CERS6: variants seen among roughly 807,000 people sequenced by gnomAD.
CERS6 encodes ceramide synthase 6, also known as LAG1 homolog, ceramide synthase 6.
Under a neutral mutation model 56.8 loss-of-function variants are expected in CERS6, and 26 were observed. That is an observed-to-expected ratio of 0.46 (90% CI 0.34 to 0.63). CERS6 has a LOEUF of 0.63. Among genes scored for constraint, CERS6 ranks in the 30% least tolerant of loss-of-function variants. CERS6 has a pLI of 0.01. For missense variants in CERS6, 415 were observed against 467.5 expected, an observed-to-expected ratio of 0.89 and a Z score of 1.04; for synonymous variants, 164 against 173.3, an observed-to-expected ratio of 0.95 and a Z score of 0.42.
At chr2:168,559,243 G>A (rs1467969186) in intron 2 of CERS6, among the ~76,000 whole-genome samples, 2 of 151,608 alleles carry the variant, frequency 1.3e-5, no homozygotes, top group Non-Finnish European at 2.9e-5. Context: ...GGCAAATAAC[G>A]TTTATAGGCA....
chr2:168,591,323 A>T (rs1683664992), intron 3 of CERS6, among the ~76,000 whole-genome samples: 1 of 152,252 alleles, frequency 6.6e-6, no homozygotes, highest in Admixed American at 6.5e-5. Context: ...TGGCTTCACC[A>T]TCCACATCAT....
At position 168,496,247 on chromosome 2, in the gene CERS6, A is replaced by G. The variant is rs551048755; in HGVS notation, c.170+39629A>G. Among the ~76,000 whole-genome samples the G allele has an allele frequency of 4.6e-5, 7 of 152,306 alleles. No homozygotes were observed. The South Asian group carries it at 1.2e-3, about 27-fold the overall frequency. ...ATACAAAGACTGTTAACAGTGAATA[A>G]TCTTGTATATATATCATTTGATACC... On this transcript the variant is annotated intron_variant, in intron 1 of 9. Coordinates refer to ENST00000305747, the MANE Select transcript of CERS6 (RefSeq NM_203463.3).
At chr2:168,587,384 G>C (rs1184333270) in intron 3 of CERS6, among the ~76,000 whole-genome samples, 1 of 152,174 alleles carries the variant, frequency 6.6e-6, no homozygotes, top group Non-Finnish European at 1.5e-5. Flanking sequence ...GAACAGGGTA[G>C]CATACCAAGT....
chr2:168,719,100 A>G (rs574937995), intron 8 of CERS6, among the ~76,000 whole-genome samples: 1 of 152,282 alleles, frequency 6.6e-6, no homozygotes, highest in African/African-American at 2.4e-5. Context: ...GTGTGTATTT[A>G]GTGAAAATTT....
intron 1 of CERS6, among the ~76,000 whole-genome samples, chr2:168,504,595 A>G (rs768057758): frequency 1.3e-5 from 2 of 152,138 alleles, no homozygotes; most frequent in African/African-American, 2.4e-5. Context: ...ACTGAGATCA[A>G]TAGCTGAGGA....
chr2:168,543,348 A>G (rs1289973671), intron 1 of CERS6, among the ~76,000 whole-genome samples: 1 of 152,170 alleles, frequency 6.6e-6, no homozygotes, highest in African/African-American at 2.4e-5. Flanking sequence ...CAACTATTAC[A>G]TTTGTCGATG....
chr2:168,737,204 G>T (rs761761117), intron 8 of CERS6, among the ~76,000 whole-genome samples: 53 of 152,170 alleles, frequency 3.5e-4, no homozygotes, highest in Admixed American at 1.3e-4. Context: ...ACTCACTACA[G>T]TTGTGTCTGT....
chr2:168,730,665 A>G (rs1037118281), intron 8 of CERS6, among the ~76,000 whole-genome samples: 1 of 151,948 alleles, frequency 6.6e-6, no homozygotes, highest in African/African-American at 2.4e-5. Flanking sequence ...AACAAGCTCC[A>G]TGTCTCTCAG....
intron 1 of CERS6, among the ~76,000 whole-genome samples, chr2:168,488,673 C>A (rs1447676042): frequency 6.6e-6 from 1 of 151,996 alleles, no homozygotes; most frequent in Non-Finnish European, 1.5e-5. Context: ...TTTTAGCATT[C>A]CCTCTTAATA....
chr2:168,538,819 G>A (rs889906865), intron 1 of CERS6, among the ~76,000 whole-genome samples: 5 of 152,060 alleles, frequency 3.3e-5, no homozygotes, highest in African/African-American at 9.7e-5. Context: ...TTACATCTGT[G>A]GCCTTTCTTC....
intron 4 of CERS6, among the ~76,000 whole-genome samples, chr2:168,669,035 A>G (rs964901636): frequency 6.6e-6 from 1 of 152,130 alleles, no homozygotes; most frequent in Non-Finnish European, 1.5e-5. Flanking sequence ...ATTAGTTAGG[A>G]TTAGGTCTGG....
chr2:168,649,035 A>G (rs1366096822), intron 4 of CERS6, among the ~76,000 whole-genome samples: 3 of 152,102 alleles, frequency 2.0e-5, no homozygotes, highest in African/African-American at 7.2e-5. Context: ...TTAGGCGCTG[A>G]ATATCCTAAT....
At chr2:168,647,548 T>C (rs1275073122) in intron 4 of CERS6, among the ~76,000 whole-genome samples, 1 of 152,228 alleles carries the variant, frequency 6.6e-6, no homozygotes, top group Non-Finnish European at 1.5e-5. Flanking sequence ...CTTCTAATAC[T>C]GTGTTGAATA....
intron 4 of CERS6, among the ~76,000 whole-genome samples, chr2:168,680,528 C>T (rs1318778938): frequency 2.0e-5 from 3 of 152,096 alleles, no homozygotes; most frequent in Non-Finnish European, 4.4e-5. Flanking sequence ...TATAACTACC[C>T]GGCCCCTCCT....
chr2:168,718,042 T>C, intron 8 of CERS6, 64 bp downstream of exon 8: 1 of 1,199,404 alleles, frequency 8.3e-7, no homozygotes, highest in South Asian at 1.3e-5. Flanking sequence ...TGAACCATTT[T>C]CCTTTTGAAT....
intron 3 of CERS6, among the ~76,000 whole-genome samples, chr2:168,599,318 T>C (rs1386292306): frequency 6.6e-6 from 1 of 152,208 alleles, no homozygotes; most frequent in Non-Finnish European, 1.5e-5. Context: ...AACATAGTTA[T>C]GAGTATATTT....
chr2:168,623,816 T>C (rs1684528893), intron 3 of CERS6, among the ~76,000 whole-genome samples: 1 of 152,174 alleles, frequency 6.6e-6, no homozygotes, highest in African/African-American at 2.4e-5. Flanking sequence ...CCATTTCTAG[T>C]CTTGACTTTA....
chr2:168,605,377 A>C (rs1057487963), intron 3 of CERS6, among the ~76,000 whole-genome samples: 2 of 152,196 alleles, frequency 1.3e-5, no homozygotes, highest in Non-Finnish European at 2.9e-5. Context: ...TGAGCAAAGA[A>C]ATGATATCCA....
At chr2:168,477,208 A>C (rs1443339080) in intron 1 of CERS6, among the ~76,000 whole-genome samples, 1 of 145,120 alleles carries the variant, frequency 6.9e-6, no homozygotes, top group Non-Finnish European at 1.5e-5. Context: ...AGAGAGAGAG[A>C]GAGAGAGAGA....
Sources: gnomAD v4.1 joint callset for allele counts (sites outside exome capture counted in the v4.1 genomes callset) on GRCh38, gnomAD v4.1.1 for gene constraint, MANE v1.5 for transcripts, NCBI Gene and HGNC (gene_info 2026-07-23, HGNC 2026-07-21) for gene names.